Variants in AKAP6 observed in about 807,000 individuals in gnomAD.
The protein encoded by AKAP6 is A-kinase anchoring protein 6.
A neutral mutation model predicts 188.5 loss-of-function variants in AKAP6; 58 were observed. The ratio of observed to expected loss-of-function variants is 0.31; its 90% confidence interval spans 0.25 to 0.38. The LOEUF is 0.38. Ranked by LOEUF, AKAP6 falls within the 10% of genes least tolerant of loss-of-function variation. The probability of loss-of-function intolerance (pLI) is 1.00; values close to 1 mark genes in which losing one functional copy is unlikely to be tolerated. For missense variants in AKAP6, 2,710 were observed against 2,740.0 expected (o/e 0.99, Z 0.24); for synonymous variants, 989 against 998.6 (o/e 0.99, Z 0.18).
At chr14:32,492,037 A>G (rs1371201507) in intron 2 of AKAP6, among the ~76,000 whole-genome samples, 1 of 152,022 alleles carries the variant, frequency 6.6e-6, no homozygotes, top group East Asian at 1.9e-4. Flanking sequence ...ATCCAGTTAC[A>G]TCTCTTGACT....
chr14:32,459,639 A>G (rs1439309272), intron 2 of AKAP6, among the ~76,000 whole-genome samples: 1 of 139,840 alleles, frequency 7.2e-6, no homozygotes, highest in Non-Finnish European at 1.6e-5. Flanking sequence ...ACAAAAAGGA[A>G]AAAAAAAAAA....
chr14:32,686,333 T>C (rs1463020031), intron 8 of AKAP6, among the ~76,000 whole-genome samples: 1 of 151,984 alleles, frequency 6.6e-6, no homozygotes, highest in African/African-American at 2.4e-5. Flanking sequence ...AGATGGTTAA[T>C]GGGTTAAAAT....
intron 9 of AKAP6, among the ~76,000 whole-genome samples, chr14:32,697,784 T>C (rs976598563): frequency 6.6e-6 from 1 of 152,174 alleles, no homozygotes; most frequent in African/African-American, 2.4e-5. Context: ...TAGGAAATCA[T>C]TGAACAAAAA....
chr14:32,580,073 A>G (rs1884897153), intron 5 of AKAP6, among the ~76,000 whole-genome samples: 1 of 152,092 alleles, frequency 6.6e-6, no homozygotes. Context: ...ATCATACTCA[A>G]AGTTGTATGT....
intron 2 of AKAP6, among the ~76,000 whole-genome samples, chr14:32,521,603 T>C (rs1881837143): frequency 6.6e-6 from 1 of 152,070 alleles, no homozygotes; most frequent in Admixed American, 6.5e-5. Flanking sequence ...TCAAAGAGAA[T>C]AAAATACCTA....
chr14:32,749,295 A>G (rs1287398229), intron 11 of AKAP6, among the ~76,000 whole-genome samples: 2 of 152,138 alleles, frequency 1.3e-5, no homozygotes, highest in South Asian at 2.1e-4. Context: ...AAATTTTTCA[A>G]TTATAGATGT....
intron 2 of AKAP6, among the ~76,000 whole-genome samples, chr14:32,487,276 T>G (rs1460977692): frequency 1.3e-5 from 2 of 152,222 alleles, no homozygotes; most frequent in Admixed American, 6.5e-5. Flanking sequence ...GCCTGAAATT[T>G]TCTTTTTTTG....
intron 2 of AKAP6, among the ~76,000 whole-genome samples, chr14:32,503,260 T>C (rs186639145): frequency 6.6e-6 from 1 of 152,244 alleles, no homozygotes; most frequent in East Asian, 1.9e-4. Context: ...CTTTCCCTAT[T>C]TTTCAGTTGT....
At chr14:32,403,519 G>A (rs1056633717) in intron 1 of AKAP6, 1 of 152,224 alleles carries the variant, frequency 6.6e-6, no homozygotes, top group African/African-American at 2.4e-5. Flanking sequence ...TATCATGGTA[G>A]TTAGATGTAT....
At chr14:32,453,691 G>A (rs1229279984) in intron 2 of AKAP6, among the ~76,000 whole-genome samples, 1 of 140,580 alleles carries the variant, frequency 7.1e-6, no homozygotes, top group East Asian at 2.2e-4. Flanking sequence ...CCGCCTCCCG[G>A]GTTCACGCCA....
chr14:32,349,105 T>A (rs1670250431), intron 1 of AKAP6, among the ~76,000 whole-genome samples: 1 of 152,210 alleles, frequency 6.6e-6, no homozygotes, highest in Non-Finnish European at 1.5e-5. Context: ...GACATTGGTG[T>A]TTGACGTACA....
At chr14:32,611,935 G>A (rs1886366658) in intron 7 of AKAP6, among the ~76,000 whole-genome samples, 1 of 152,122 alleles carries the variant, frequency 6.6e-6, no homozygotes. Flanking sequence ...CATCTTCTGA[G>A]TTAGGACAGA....
At chr14:32,706,736 T>G (rs1955513) in intron 9 of AKAP6, among the ~76,000 whole-genome samples, 15,952 of 152,130 alleles carry the variant, frequency 0.1, 1,006 homozygotes, top group Admixed American at 0.19. Flanking sequence ...TGAGGCACAC[T>G]GGGGTAAGCA....
chr14:32,632,951 G>A (rs553345220), intron 7 of AKAP6, among the ~76,000 whole-genome samples: 18 of 151,984 alleles, frequency 1.2e-4, no homozygotes, highest in Non-Finnish European at 2.5e-4. Flanking sequence ...TATGAGACTG[G>A]AATAATTTAT....
intron 3 of AKAP6, among the ~76,000 whole-genome samples, chr14:32,539,237 T>G (rs1281868306): frequency 6.6e-6 from 1 of 152,206 alleles, no homozygotes; most frequent in Admixed American, 6.6e-5. Flanking sequence ...GTGATAACTC[T>G]TAATAATATC....
At chr14:32,525,909 A>C (rs142500550) in intron 2 of AKAP6, among the ~76,000 whole-genome samples, 1 of 152,308 alleles carries the variant, frequency 6.6e-6, no homozygotes, top group African/African-American at 2.4e-5. Context: ...TCATTTCCAC[A>C]TAAATTAGCT....
At chr14:32,494,836 G>A (rs146780640) in intron 2 of AKAP6, among the ~76,000 whole-genome samples, 80 of 152,158 alleles carry the variant, frequency 5.3e-4, no homozygotes, top group African/African-American at 1.9e-3. Context: ...TTAAAGATAG[G>A]TGTATAACTT....
intron 1 of AKAP6, among the ~76,000 whole-genome samples, chr14:32,348,421 T>TG (rs1555319590): frequency 2.3e-5 from 3 of 131,878 alleles, no homozygotes. Flanking sequence ...TTGTTTCTTT[T>TG]TTTTTTTTTT....
At chr14:32,439,303 G>T (rs1890490129) in intron 2 of AKAP6, among the ~76,000 whole-genome samples, 2 of 152,192 alleles carry the variant, frequency 1.3e-5, no homozygotes, top group Admixed American at 1.3e-4. Context: ...GGACCTTATG[G>T]ACAGAAGATG....
Sources: gnomAD v4.1 joint callset for allele counts (sites outside exome capture counted in the v4.1 genomes callset) on GRCh38, gnomAD v4.1.1 for gene constraint, MANE v1.5 for transcripts, NCBI Gene and HGNC (gene_info 2026-07-23, HGNC 2026-07-21) for gene names.